The following IQCK variants were observed in gnomAD, a reference collection of about 807,000 sequenced individuals.
IQCK encodes IQ motif containing K.
A neutral mutation model predicts 28.1 loss-of-function variants in IQCK; 29 were observed. That is an observed-to-expected ratio of 1.03 (90% CI 0.77 to 1.41). The LOEUF (loss-of-function observed/expected upper bound fraction) is 1.41. Among genes scored for constraint, IQCK ranks in the 40% most tolerant of loss-of-function variants. IQCK has a pLI of 0.00. For missense variants in IQCK, 359 were observed against 314.7 expected (o/e 1.14, Z -1.07); for synonymous variants, 113 against 115.1 (o/e 0.98, Z 0.12).
chr16:19,763,470 T>C (rs1156892993), intron 4 of IQCK, among the ~76,000 whole-genome samples: 2 of 152,014 alleles, frequency 1.3e-5, no homozygotes, highest in Non-Finnish European at 2.9e-5. Flanking sequence ...TGAGACACAG[T>C]CTCACCCTAT....
At chr16:19,729,676 G>A (rs901419580) in intron 1 of IQCK, among the ~76,000 whole-genome samples, 3 of 150,594 alleles carry the variant, frequency 2.0e-5, no homozygotes, top group African/African-American at 4.9e-5. Flanking sequence ...ATGGAGTCTC[G>A]CTCTGTCGCC....
chr16:19,751,395 T>C (rs542271715), intron 4 of IQCK, among the ~76,000 whole-genome samples: 2 of 152,228 alleles, frequency 1.3e-5, no homozygotes, highest in South Asian at 4.2e-4. Context: ...AGAGGATTGC[T>C]TGAGCCCAAG....
In IQCK at chr16:19,827,093, T is replaced by C. The variant is rs1014738666; in HGVS notation, c.758T>C (p.Ile253Thr). 3.7e-6 allele frequency: 6 copies of C among 1,613,982 alleles called. No homozygotes were observed. In the African/African-American group the frequency reaches 8.0e-5, roughly 22 times the overall value. The change falls in exon 8 of 8, where the codon ATT becomes ACT. Residue 253 changes from isoleucine to threonine, a missense_variant. Coordinates refer to ENST00000564186, the Ensembl canonical transcript of IQCK. ...AAGAAACTTCGCGAGGCCAAGCACATTCACCAGCAAGTCAAAATTTTCTGG... is the reference window on the plus strand; with the variant it reads ...AAGAAACTTCGCGAGGCCAAGCACACTCACCAGCAAGTCAAAATTTTCTGG...
chr16:19,771,767 A>G (rs918861692), intron 6 of IQCK, among the ~76,000 whole-genome samples: 1 of 152,186 alleles, frequency 6.6e-6, no homozygotes, highest in African/African-American at 2.4e-5. Context: ...AGTGAGAGAA[A>G]AATTGAGGTG....
chr16:19,742,445 A>G (rs548632054), intron 4 of IQCK, among the ~76,000 whole-genome samples: 3 of 152,188 alleles, frequency 2.0e-5, no homozygotes, highest in Admixed American at 6.5e-5. Flanking sequence ...GTCAGACCCA[A>G]GTGGAACTCC....
intron 6 of IQCK, among the ~76,000 whole-genome samples, chr16:19,770,540 G>A (rs2055306283): frequency 6.6e-6 from 1 of 151,254 alleles, no homozygotes; most frequent in Non-Finnish European, 1.5e-5. Flanking sequence ...TCCTTGGCTA[G>A]TGGCCCCTGC....
intron 4 of IQCK, among the ~76,000 whole-genome samples, chr16:19,748,959 A>G (rs1472541839): frequency 6.6e-6 from 1 of 152,206 alleles, no homozygotes; most frequent in Non-Finnish European, 1.5e-5. Flanking sequence ...TTGAGAATTT[A>G]TGTCTAAAGA....
chr16:19,823,357 A>G (rs1461862968), intron 7 of IQCK, among the ~76,000 whole-genome samples: 1 of 152,066 alleles, frequency 6.6e-6, no homozygotes, highest in Non-Finnish European at 1.5e-5. Context: ...TTTCTCTTAA[A>G]TGCTGGGTCC....
chr16:19,813,911 A>G (rs1940539542), intron 7 of IQCK, among the ~76,000 whole-genome samples: 1 of 152,140 alleles, frequency 6.6e-6, no homozygotes, highest in South Asian at 2.1e-4. Context: ...ATTACATTAT[A>G]ACAACACATT....
At chr16:19,730,893 T>C (rs927594766) in intron 2 of IQCK, among the ~76,000 whole-genome samples, 1 of 152,116 alleles carries the variant, frequency 6.6e-6, no homozygotes, top group African/African-American at 2.4e-5. Context: ...GCCACCGTGC[T>C]TGGGATTTTT....
chr16:19,779,963 C>A (rs1597552137), intron 6 of IQCK, among the ~76,000 whole-genome samples: 1 of 151,592 alleles, frequency 6.6e-6, no homozygotes, highest in Non-Finnish European at 1.5e-5. Flanking sequence ...GTGATCCACC[C>A]GTCTCGGCCT....
intron 4 of IQCK, among the ~76,000 whole-genome samples, chr16:19,747,246 T>G (rs1218359635): frequency 6.6e-6 from 1 of 152,226 alleles, no homozygotes; most frequent in Non-Finnish European, 1.5e-5. Flanking sequence ...CTGGATAGGC[T>G]AGATGCTGGC....
intron 7 of IQCK, among the ~76,000 whole-genome samples, chr16:19,822,618 AC>A (rs1372466486): frequency 6.6e-6 from 1 of 152,112 alleles, no homozygotes; most frequent in Non-Finnish European, 1.5e-5. Flanking sequence ...ATCCAGAGAG[AC>A]TGTGGATCTA....
chr16:19,727,208 T>C (rs1361199114), intron 1 of IQCK, among the ~76,000 whole-genome samples: 1 of 151,676 alleles, frequency 6.6e-6, no homozygotes. Flanking sequence ...AAAACTAATA[T>C]GAGTTATGAA....
intron 4 of IQCK, among the ~76,000 whole-genome samples, chr16:19,746,617 G>A (rs1215144411): frequency 6.6e-6 from 1 of 152,192 alleles, no homozygotes; most frequent in Non-Finnish European, 1.5e-5. Context: ...TAACAAAAGA[G>A]CATTGATCAC....
downstream of IQCK, among the ~76,000 whole-genome samples, chr16:19,830,391 A>G (rs1336610766): frequency 6.6e-6 from 1 of 152,174 alleles, no homozygotes; most frequent in Admixed American, 6.5e-5. Context: ...GCTTTTATCC[A>G]GCCTGCAGCA....
chr16:19,823,834 G>A (rs528646074), intron 7 of IQCK, among the ~76,000 whole-genome samples: 2 of 152,272 alleles, frequency 1.3e-5, no homozygotes, highest in Admixed American at 6.5e-5. Context: ...TCGTGAGGCT[G>A]AGGCAGCAGA....
chr16:19,738,147 A>G (rs924848863), intron 4 of IQCK, among the ~76,000 whole-genome samples: 9 of 152,204 alleles, frequency 5.9e-5, no homozygotes, highest in Non-Finnish European at 7.3e-5. Flanking sequence ...TCTTTAGTCA[A>G]TGCTACCCAA....
chr16:19,776,658 G>A (rs561666938), intron 6 of IQCK, among the ~76,000 whole-genome samples: 22 of 152,278 alleles, frequency 1.4e-4, no homozygotes, highest in Admixed American at 1.2e-3. Flanking sequence ...GCAGTGAGCC[G>A]AGATGGTGCC....
Sources: gnomAD v4.1 joint callset for allele counts (sites outside exome capture counted in the v4.1 genomes callset) on GRCh38, gnomAD v4.1.1 for gene constraint, MANE v1.5 for transcripts, NCBI Gene and HGNC (gene_info 2026-07-23, HGNC 2026-07-21) for gene names.